The following PLD5 variants were observed in gnomAD, a reference collection of about 807,000 sequenced individuals.
PLD5 encodes inactive phospholipase D5.
PLD5 carries 36 observed loss-of-function variants against 61.1 expected under a neutral mutation model. The observed-to-expected ratio is 0.59, with a 90% CI of 0.45 to 0.78. PLD5 has a LOEUF of 0.78. PLD5 is among the 30% of genes least tolerant of loss of function. The pLI, the probability that PLD5 is intolerant of heterozygous loss-of-function variation, is 0.00. For synonymous variants in PLD5, 243 were observed against 242.8 expected, an observed-to-expected ratio of 1.00 and a Z score of -0.01; for missense variants, 515 against 644.4, an observed-to-expected ratio of 0.80 and a Z score of 2.17.
chr1:242,155,603 A>T (rs1012857725), intron 5 of PLD5, among the ~76,000 whole-genome samples: 3 of 151,984 alleles, frequency 2.0e-5, no homozygotes, highest in African/African-American at 7.3e-5. Flanking sequence ...TCATTTCATT[A>T]TTTACCCAGT....
intron 1 of PLD5, among the ~76,000 whole-genome samples, chr1:242,403,134 T>C (rs1172249631): frequency 6.6e-6 from 1 of 152,202 alleles, no homozygotes; most frequent in African/African-American, 2.4e-5. Context: ...AGGCGGTGCC[T>C]TTGGCATGGT....
chr1:242,209,463 C>T (rs1669654234), intron 5 of PLD5: 1 of 152,332 alleles, frequency 6.6e-6, no homozygotes, highest in Middle Eastern at 3.4e-3. Flanking sequence ...AGCATGTGCT[C>T]ACTTCATGTT....
intron 1 of PLD5, among the ~76,000 whole-genome samples, chr1:242,491,576 A>T (rs1228321548): frequency 2.0e-5 from 3 of 152,248 alleles, no homozygotes; most frequent in Non-Finnish European, 4.4e-5. Flanking sequence ...TAAATATTTA[A>T]ATCATATCAT....
chr1:242,480,607 CAA>C (rs1667740285), intron 1 of PLD5, among the ~76,000 whole-genome samples: 1 of 152,188 alleles, frequency 6.6e-6, no homozygotes, highest in Admixed American at 6.5e-5. Context: ...ATATAGCTGA[CAA>C]GAGTTTTATA....
intron 1 of PLD5, among the ~76,000 whole-genome samples, chr1:242,378,928 T>A (rs1403406841): frequency 6.6e-6 from 1 of 152,174 alleles, no homozygotes; most frequent in Non-Finnish European, 1.5e-5. Flanking sequence ...TTGAACTTTA[T>A]CAGCTTTTCC....
chr1:242,467,924 C>G (rs981246946), intron 1 of PLD5, among the ~76,000 whole-genome samples: 2 of 151,796 alleles, frequency 1.3e-5, no homozygotes, highest in African/African-American at 4.8e-5. Context: ...GTAGAACCGC[C>G]CCCCAAAGCA....
chr1:242,230,223 C>T (rs1193267059), intron 4 of PLD5, among the ~76,000 whole-genome samples: 1 of 152,164 alleles, frequency 6.6e-6, no homozygotes, highest in Non-Finnish European at 1.5e-5. Context: ...GTAATGCAAC[C>T]ACTATTTTAA....
At chr1:242,112,338 T>TGTGC (rs1661589749) in intron 7 of PLD5, among the ~76,000 whole-genome samples, 1 of 46,224 alleles carries the variant, frequency 2.2e-5, no homozygotes, top group African/African-American at 1.1e-4. Flanking sequence ...TATGTATATG[T>TGTGC]GTATATATAT....
chr1:242,183,826 C>T (rs1320756995), intron 5 of PLD5, among the ~76,000 whole-genome samples: 2 of 152,032 alleles, frequency 1.3e-5, no homozygotes, highest in Non-Finnish European at 2.9e-5. Flanking sequence ...ACCCGGGAGG[C>T]GGAGCTCGCA....
rs397860268 is a variant in PLD5 at position 242,415,511 on chromosome 1, A to AT, written c.190-67270dup. Reference sequence around the variant, plus strand: ...AACAACAGAAGAATAAGCCATAAAGATTTTTTTTTTTTTTTTTTTGAGACA... The same window carrying AT: ...AACAACAGAAGAATAAGCCATAAAGATTTTTTTTTTTTTTTTTTTTGAGACA... On this transcript the variant is annotated intron_variant, in intron 1 of 9. Transcript: ENST00000536534. Among the ~76,000 whole-genome samples the AT allele has an allele frequency of 1.9e-3, 242 of 129,854 alleles. 1 individual carries two copies. Among genetic ancestry groups the AT allele is most frequent in the Middle Eastern group, 0.013 (3 of 238 alleles). 85.2% of individuals were successfully genotyped at this position (129,854 alleles called of 152,430 possible).
intron 5 of PLD5, among the ~76,000 whole-genome samples, chr1:242,195,227 G>A (rs191253378): frequency 4.5e-4 from 68 of 152,304 alleles, no homozygotes; most frequent in African/African-American, 6.5e-4. Context: ...GGGGCTGGCC[G>A]TGGTACAGGA....
intron 5 of PLD5, among the ~76,000 whole-genome samples, chr1:242,135,820 A>G (rs1357131455): frequency 6.6e-6 from 1 of 152,144 alleles, no homozygotes; most frequent in Non-Finnish European, 1.5e-5. Flanking sequence ...CCCAAAGATT[A>G]AGTACTTCTA....
At chr1:242,478,823 CA>C (rs1667678617) in intron 1 of PLD5, among the ~76,000 whole-genome samples, 1 of 152,000 alleles carries the variant, frequency 6.6e-6, no homozygotes, top group Admixed American at 6.6e-5. Context: ...ATCAGAAACA[CA>C]AAGAGAGCAC....
intron 5 of PLD5, among the ~76,000 whole-genome samples, chr1:242,127,188 C>A (rs1044217359): frequency 2.6e-5 from 4 of 152,140 alleles, no homozygotes; most frequent in African/African-American, 9.7e-5. Flanking sequence ...ACAGGGAACG[C>A]TTCTACACCG....
chr1:242,182,581 G>A (rs1362358304), intron 5 of PLD5, among the ~76,000 whole-genome samples: 2 of 152,106 alleles, frequency 1.3e-5, no homozygotes, highest in East Asian at 1.9e-4. Context: ...AGTGGCTCAC[G>A]CTTGTAATTC....
At chr1:242,159,830 C>T (rs1665684091) in intron 5 of PLD5, among the ~76,000 whole-genome samples, 2 of 152,090 alleles carry the variant, frequency 1.3e-5, no homozygotes, top group African/African-American at 2.4e-5. Context: ...ATGGAGATGG[C>T]TTTTATAGAA....
At position 242,370,672 on chromosome 1, in the gene PLD5, T is replaced by C. The variant is rs78702091; in HGVS notation, c.190-22430A>G. Among the ~76,000 whole-genome samples, 16 of 152,298 alleles carry C rather than the reference T, an allele frequency of 1.1e-4. No individual in the cohort carries two copies. In the East Asian group the frequency reaches 2.9e-3, roughly 28 times the overall value. On this transcript the variant is annotated intron_variant, in intron 1 of 9. Transcript: ENST00000536534. ...TCACTATAAAGTGAAATAAGCTATT[T>C]TGAATGTTAGTGAATGCACAAGAAC...
intron 2 of PLD5, among the ~76,000 whole-genome samples, chr1:242,347,845 C>A (rs1261757456): frequency 6.6e-6 from 1 of 152,124 alleles, no homozygotes; most frequent in Non-Finnish European, 1.5e-5. Flanking sequence ...ACAGTGGTCT[C>A]CAGAAATGCT....
intron 2 of PLD5, among the ~76,000 whole-genome samples, chr1:242,334,190 A>G (rs866852143): frequency 2.6e-4 from 39 of 152,272 alleles, no homozygotes; most frequent in African/African-American, 8.9e-4. Context: ...CACCTGGGAT[A>G]CAGTATTGTA....
Sources: gnomAD v4.1 joint callset for allele counts (sites outside exome capture counted in the v4.1 genomes callset) on GRCh38, gnomAD v4.1.1 for gene constraint, MANE v1.5 for transcripts, NCBI Gene and HGNC (gene_info 2026-07-23, HGNC 2026-07-21) for gene names.